Variants in DRAXIN observed in about 807,000 individuals in gnomAD.
The protein encoded by DRAXIN is dorsal repulsive axon guidance protein.
In DRAXIN, 27 loss-of-function variants were observed where a neutral mutation model predicts 33.9. The ratio of observed to expected loss-of-function variants is 0.80; its 90% CI spans 0.59 to 1.10. The LOEUF is 1.10. Ranked by LOEUF, DRAXIN falls within the 50% of genes least tolerant of loss-of-function variation. DRAXIN has a pLI of 0.00. For missense variants in DRAXIN, 371 were observed against 460.8 expected (o/e 0.81, Z 1.78); for synonymous variants, 178 against 194.0 (o/e 0.92, Z 0.69).
intron 3 of DRAXIN, 45 bp downstream of exon 3, chr1:11,709,510 C>A: frequency 1.3e-6 from 2 of 1,568,062 alleles, no homozygotes. Flanking sequence ...GGTCCTTGAG[C>A]CCATGTCATG....
chr1:11,706,484 C>A lies in DRAXIN; in HGVS notation c.226C>A (p.Gln76Lys). The A allele has an allele frequency of 6.2e-7, 1 of 1,611,090 alleles. No individual in the cohort carries two copies. Among genetic ancestry groups the A allele is most frequent in the Non-Finnish European group, 8.5e-7 (1 of 1,178,988 alleles). Residue 76 changes from glutamine to lysine, a missense_variant, in exon 2 of 7, where the codon CAG (glutamine) becomes AAG (lysine). Physicochemically the swap from Gln to Lys is moderately conservative, Grantham distance 53. Coordinates refer to ENST00000294485, the MANE Select transcript of DRAXIN (RefSeq NM_198545.4). The surrounding 1 kb of genome is among the most constrained non-coding windows in gnomAD (Gnocchi z 5.5). ...GGGCCCAGGCCTGCCCAGCCAGGCC[C>A]AGGATGGGGCTGTGGTCACCGCCAC... is the stretch of plus-strand genomic sequence containing the variant. ...EWGPGLPSQA[Q>K]DGAVVTATRQ...
In DRAXIN at chr1:11,705,058, G is replaced by T. The variant is rs755382256; in HGVS notation, c.-10-1191G>T. Among the ~76,000 whole-genome samples the T allele has an allele frequency of 6.6e-6, 1 of 152,244 alleles. No homozygotes were observed. Among genetic ancestry groups the T allele is most frequent in the Non-Finnish European group, 1.5e-5 (1 of 68,046 alleles). ...GGGCCAGCCAGCATGGGGGCCGCAG[G>T]GAGAGGCGCCGGGAAGCAGGGAAAC... is the stretch of plus-strand genomic sequence containing the variant. On this transcript the variant is annotated intron_variant, in intron 1 of 6. Transcript: ENST00000294485. The surrounding 1 kb of genome is among the most constrained non-coding windows in gnomAD (Gnocchi z 4.8).
chr1:11,693,949 C>T (rs576239533), intron 1 of DRAXIN, among the ~76,000 whole-genome samples: 8 of 152,170 alleles, frequency 5.3e-5, no homozygotes, highest in Non-Finnish European at 1.0e-4. Flanking sequence ...GTTGCAGCCA[C>T]GATGGAGAAC....
intron 5 of DRAXIN, 117 bp from the exon 6 acceptor site, chr1:11,715,002 C>T (rs764197517): frequency 1.8e-5 from 22 of 1,251,350 alleles, no homozygotes; most frequent in South Asian, 1.4e-4. Context: ...TGGCCCACCC[C>T]GCCAGGGCGC....
At chr1:11,714,524 C>A (rs563141653) in intron 5 of DRAXIN, among the ~76,000 whole-genome samples, 1 of 152,364 alleles carries the variant, frequency 6.6e-6, no homozygotes, top group African/African-American at 2.4e-5. Context: ...CACACCTCCA[C>A]GGCACCACGA....
intron 6 of DRAXIN, among the ~76,000 whole-genome samples, chr1:11,717,532 C>T (rs375752529): frequency 6.6e-6 from 1 of 151,324 alleles, no homozygotes; most frequent in Non-Finnish European, 1.5e-5. Flanking sequence ...TGTGGTGACG[C>T]GCACCTGTAA....
At position 11,694,654 on chromosome 1, in the gene DRAXIN, G is replaced by A. The variant is rs1234390880; in HGVS notation, c.-11+2801G>A. 6.6e-6 allele frequency among the ~76,000 whole-genome samples: 1 copy of A among 151,914 alleles called. No homozygotes were observed. The highest frequency in any genetic ancestry group is 1.5e-5 in the Non-Finnish European group (1 of 67,938). ...AGAGGCATGAGCATGTTCCTGGGGG[G>A]CAGGTCATAGGAGCACCCCTGTTCT... On this transcript the variant is annotated intron_variant, in intron 1 of 6. Coordinates refer to ENST00000294485, the MANE Select transcript of DRAXIN (RefSeq NM_198545.4). The surrounding 1 kb of genome is among the most constrained non-coding windows in gnomAD (Gnocchi z 4.9).
At chr1:11,687,301 G>A (rs1174089344), upstream of DRAXIN, among the ~76,000 whole-genome samples, 1 of 152,132 alleles carries the variant, frequency 6.6e-6, no homozygotes, top group African/African-American at 2.4e-5. This position sits in a 1 kb window ranked among gnomAD's most constrained non-coding sequence, Gnocchi z 4.1. Context: ...GGGCGGTGGT[G>A]CAATCTCGGC....
chr1:11,709,590 G>A, intron 3 of DRAXIN, 125 bp downstream of exon 3: 6 of 1,181,264 alleles, frequency 5.1e-6, no homozygotes, highest in Non-Finnish European at 6.9e-6. Flanking sequence ...TACTTAGATT[G>A]AAACCAGATC....
chr1:11,711,616 T>C (rs1458794683), intron 3 of DRAXIN, among the ~76,000 whole-genome samples: 1 of 152,196 alleles, frequency 6.6e-6, no homozygotes, highest in African/African-American at 2.4e-5. Context: ...CACCTGTGTG[T>C]GTGTGCATGG....
At chr1:11,695,691 G>A (rs1641181225) in intron 1 of DRAXIN, among the ~76,000 whole-genome samples, 1 of 152,074 alleles carries the variant, frequency 6.6e-6, no homozygotes, top group African/African-American at 2.4e-5. Flanking sequence ...TAGAACAGTA[G>A]ATGATACCCA....
In DRAXIN at chr1:11,694,169, G is replaced by C. The variant is rs1156849645; in HGVS notation, c.-11+2316G>C. On this transcript the variant is annotated intron_variant, in intron 1 of 6. Coordinates refer to ENST00000294485, the MANE Select transcript of DRAXIN (RefSeq NM_198545.4). This position sits in a 1 kb window ranked among gnomAD's most constrained non-coding sequence, Gnocchi z 4.9. ...GGGAGGGGTCTGCTCCTCCCTGGGT[G>C]GGGGCTGGGTCTCCTTCTGCTTGTG... is the stretch of plus-strand genomic sequence containing the variant. Among the ~76,000 whole-genome samples the C allele has an allele frequency of 6.6e-6, 1 of 152,106 alleles. No individual in the cohort carries two copies. The highest frequency in any genetic ancestry group is 2.1e-4 in the South Asian group (1 of 4,832).
At chr1:11,701,240 G>A (rs1641270065) in intron 1 of DRAXIN, among the ~76,000 whole-genome samples, 1 of 152,200 alleles carries the variant, frequency 6.6e-6, no homozygotes, top group African/African-American at 2.4e-5. Flanking sequence ...GTGGCCCCAC[G>A]GGCAATGGGG....
chr1:11,687,380 C>T (rs1035184236), upstream of DRAXIN, among the ~76,000 whole-genome samples: 1 of 152,242 alleles, frequency 6.6e-6, no homozygotes, highest in African/African-American at 2.4e-5. The surrounding 1 kb of genome is among the most constrained non-coding windows in gnomAD (Gnocchi z 4.1). Flanking sequence ...GCTGGGACTA[C>T]AGGCGACCTC....
intron 1 of DRAXIN, among the ~76,000 whole-genome samples, chr1:11,695,018 T>G (rs1279757717): frequency 6.6e-6 from 1 of 152,170 alleles, no homozygotes; most frequent in African/African-American, 2.4e-5. Flanking sequence ...TTTTCAGGTG[T>G]ACCAGGCTCT....
At chr1:11,691,064 C>G (rs997128003), upstream of DRAXIN, among the ~76,000 whole-genome samples, 3 of 152,196 alleles carry the variant, frequency 2.0e-5, no homozygotes, top group East Asian at 5.8e-4. Context: ...CCTTTGTACC[C>G]CTACATCCAG....
chr1:11,709,595 C>T, intron 3 of DRAXIN, 130 bp downstream of exon 3: 1 of 1,134,574 alleles, frequency 8.8e-7, no homozygotes, highest in East Asian at 2.7e-5. Flanking sequence ...AGATTGAAAC[C>T]AGATCTCCTG....
In DRAXIN at chr1:11,709,317, C is replaced by T; in HGVS notation, c.494C>T (p.Ala165Val). 6.2e-7 allele frequency: 1 copy of T among 1,613,806 alleles called. No individual in the cohort carries two copies. The highest frequency in any genetic ancestry group is 8.5e-7 in the Non-Finnish European group (1 of 1,179,804). The change falls in exon 3 of 7, where the codon GCA (alanine) becomes GTA (valine). Residue 165 changes from alanine (A) to valine (V), a missense_variant. Transcript: ENST00000294485. ...VRGPSSLMKK[A>V]ELSEAQVLDA... Reference sequence around the variant, plus strand: ...GGTCCCAGCTCCCTGATGAAGAAGGCAGAGCTCTCCGAAGCCCAGGTGCTG... The same window carrying T: ...GGTCCCAGCTCCCTGATGAAGAAGGTAGAGCTCTCCGAAGCCCAGGTGCTG...
intron 3 of DRAXIN, 79 bp downstream of exon 3, chr1:11,709,544 G>A: frequency 6.9e-7 from 1 of 1,451,910 alleles, no homozygotes; most frequent in Non-Finnish European, 9.2e-7. Context: ...ATACATGTAG[G>A]GAGACTGAGG....
Sources: gnomAD v4.1 joint callset for allele counts (sites outside exome capture counted in the v4.1 genomes callset) on GRCh38, gnomAD v4.1.1 for gene constraint, Gnocchi (gnomAD v3.1) non-coding constraint, MANE v1.5 for transcripts, NCBI Gene and HGNC (gene_info 2026-07-23, HGNC 2026-07-21) for gene names.